Variants in CFTR observed in about 807,000 individuals in gnomAD.
CFTR encodes cystic fibrosis transmembrane conductance regulator.
In CFTR, 181 loss-of-function variants were observed where a neutral mutation model predicts 171.6. The observed-to-expected ratio is 1.05, with a 90% CI of 0.93 to 1.19. The LOEUF is 1.19. Among genes scored for constraint, CFTR ranks in the 50% most tolerant of loss-of-function variants. The pLI, the probability that CFTR is intolerant of heterozygous loss-of-function variation, is 0.00. For missense variants in CFTR, 1,968 were observed against 1,734.7 expected (o/e 1.13, Z -2.39); for synonymous variants, 583 against 608.0 (o/e 0.96, Z 0.60).
In CFTR at chr7:117,642,518, A is replaced by G; in HGVS notation, c.3798A>G (p.Glu1266=). The G allele has an allele frequency of 1.2e-6, 2 of 1,613,708 alleles. 1 individual carries two copies. The change falls in exon 23 of 27, where the codon GAA becomes GAG. Residue 1266 remains glutamate, a synonymous_variant. Transcript: ENST00000003084. ...TGAGACTACTGAACACTGAAGGAGAAATCCAGATCGATGGTGTGTCTTGGG... is the reference window on the plus strand; with the variant it reads ...TGAGACTACTGAACACTGAAGGAGAGATCCAGATCGATGGTGTGTCTTGGG... ...AFLRLLNTEG[E]IQIDGVSWDS...
intron 3 of CFTR, among the ~76,000 whole-genome samples, chr7:117,524,083 A>G (rs1453918441): frequency 6.6e-6 from 1 of 152,192 alleles, no homozygotes; most frequent in African/African-American, 2.4e-5. Flanking sequence ...GTCTTTCTGT[A>G]TTTATCGTAT....
intron 1 of CFTR, among the ~76,000 whole-genome samples, chr7:117,488,908 A>G (rs1049444101): frequency 1.3e-5 from 2 of 152,232 alleles, no homozygotes; most frequent in African/African-American, 4.8e-5. Flanking sequence ...AATAAGTTGT[A>G]ATATGGGAAC....
In CFTR at chr7:117,664,831, T is replaced by C. The variant is rs772750690; in HGVS notation, c.4107T>C (p.Leu1369=). ...TCAGTAAGGCGAAGATCTTGCTGCT[T>C]GATGAACCCAGTGCTCATTTGGATC... The part of the protein sequence containing the change: ...SVLSKAKILL[L]DEPSAHLDPV... Residue 1369 remains leucine (L), a synonymous_variant, in exon 25 of 27, where the codon CTT becomes CTC. Transcript: ENST00000003084. The C allele has an allele frequency of 2.5e-6, 4 of 1,613,908 alleles. No individual in the cohort carries two copies. In the Admixed American group the frequency reaches 5.0e-5, roughly 20 times the overall value.
chr7:117,504,877 A>T (rs952567597), intron 2 of CFTR, among the ~76,000 whole-genome samples: 1 of 152,158 alleles, frequency 6.6e-6, no homozygotes, highest in African/African-American at 2.4e-5. Context: ...TTTTCCTGAA[A>T]AATACACATT....
At chr7:117,511,978 A>T (rs1240827335) in intron 3 of CFTR, among the ~76,000 whole-genome samples, 1 of 151,946 alleles carries the variant, frequency 6.6e-6, no homozygotes, top group Non-Finnish European at 1.5e-5. Context: ...CTTTTCTTTC[A>T]CTGAGCAAGG....
rs77101217 is a variant in CFTR at position 117,559,548 on chromosome 7, C to T, written c.1477C>T (p.Gln493Ter). The change falls in exon 11 of 27, where the codon CAG (glutamine) becomes TAG (stop). Residue 493 changes from glutamine (Q) to a stop codon, truncating the protein, a stop_gained. Coordinates refer to ENST00000003084, the MANE Select transcript of CFTR (RefSeq NM_000492.4). LOFTEE classifies it high-confidence loss of function. ...KHSGRISFCS[Q>*]FSWIMPGTIK... is the part of the protein sequence containing the mutation. ...CAGTGGAAGAATTTCATTCTGTTCT[C>T]AGTTTTCCTGGATTATGCCTGGCAC... 5.9e-5 allele frequency: 95 copies of T among 1,611,422 alleles called. No individual in the cohort carries two copies. The highest frequency in any genetic ancestry group is 8.0e-5 in the Non-Finnish European group (94 of 1,177,876).
chr7:117,546,192 C>T (rs2115894637), intron 9 of CFTR, among the ~76,000 whole-genome samples: 1 of 152,120 alleles, frequency 6.6e-6, no homozygotes, highest in South Asian at 2.1e-4. Flanking sequence ...CGGGGTTTCA[C>T]CATCTTGGCC....
intron 3 of CFTR, 43 bp from the exon 4 acceptor site, chr7:117,530,856 G>T: frequency 7.6e-7 from 1 of 1,322,892 alleles, no homozygotes; most frequent in Non-Finnish European, 1.1e-6. Context: ...TATTTTATGA[G>T]AAATAAATGA....
intron 1 of CFTR, among the ~76,000 whole-genome samples, chr7:117,486,314 C>A (rs1263863489): frequency 6.6e-6 from 1 of 152,140 alleles, no homozygotes; most frequent in Non-Finnish European, 1.5e-5. Flanking sequence ...TGACCTCATT[C>A]ATATTCTGTA....
intron 22 of CFTR, among the ~76,000 whole-genome samples, chr7:117,632,971 C>T (rs912430635): frequency 1.3e-5 from 2 of 152,134 alleles, no homozygotes; most frequent in Admixed American, 1.3e-4. Context: ...TTTTTCTTCT[C>T]TTTTGATACA....
chr7:117,580,526 G>T (rs1397815332), intron 11 of CFTR, among the ~76,000 whole-genome samples: 1 of 151,894 alleles, frequency 6.6e-6, no homozygotes, highest in Non-Finnish European at 1.5e-5. Flanking sequence ...CATTCATGAG[G>T]GTATGTCTTA....
intron 10 of CFTR, among the ~76,000 whole-genome samples, chr7:117,549,386 A>T (rs1799230448): frequency 6.6e-6 from 1 of 152,170 alleles, no homozygotes; most frequent in Admixed American, 6.6e-5. Flanking sequence ...GAACAACTTA[A>T]CCTGGCATAT....
At chr7:117,634,233 G>A (rs1792792772) in intron 22 of CFTR, among the ~76,000 whole-genome samples, 2 of 151,932 alleles carry the variant, frequency 1.3e-5, no homozygotes, top group African/African-American at 2.4e-5. Context: ...CAAGGAATTG[G>A]TCTATTTCAT....
intron 21 of CFTR, among the ~76,000 whole-genome samples, chr7:117,615,337 T>C (rs1347828122): frequency 1.3e-5 from 2 of 152,132 alleles, no homozygotes; most frequent in East Asian, 1.9e-4. Flanking sequence ...GCTTGGCTTA[T>C]AGAGTCTTTT....
At chr7:117,557,236 T>C (rs1009593319) in intron 10 of CFTR, among the ~76,000 whole-genome samples, 1 of 152,136 alleles carries the variant, frequency 6.6e-6, no homozygotes, top group African/African-American at 2.4e-5. Flanking sequence ...AAACAAATTT[T>C]CTTTGTTTTC....
intron 23 of CFTR, among the ~76,000 whole-genome samples, chr7:117,648,037 C>T (rs566894086): frequency 1.4e-5 from 2 of 144,636 alleles, no homozygotes; most frequent in East Asian, 2.0e-4. Flanking sequence ...TATATATATA[C>T]ACACACACAT....
intron 2 of CFTR, 42 bp downstream of exon 2, chr7:117,504,405 A>G: frequency 2.1e-6 from 2 of 946,664 alleles, no homozygotes; most frequent in Non-Finnish European, 3.4e-6. Flanking sequence ...AGAAATTCAT[A>G]TTATTAATTA....
At chr7:117,605,068 C>T (rs1792281811) in intron 17 of CFTR, 1 of 152,188 alleles carries the variant, frequency 6.6e-6, no homozygotes, top group Non-Finnish European at 1.5e-5. Context: ...GCTACATAGC[C>T]AATGGGAAAT....
intron 11 of CFTR, among the ~76,000 whole-genome samples, chr7:117,580,039 C>G (rs1470982691): frequency 6.6e-6 from 1 of 151,424 alleles, no homozygotes; most frequent in African/African-American, 2.4e-5. Context: ...ACTTGAAATA[C>G]TAGAAGAAAA....
Sources: gnomAD v4.1 joint callset for allele counts (sites outside exome capture counted in the v4.1 genomes callset) on GRCh38, gnomAD v4.1.1 for gene constraint, MANE v1.5 for transcripts, NCBI Gene and HGNC (gene_info 2026-07-23, HGNC 2026-07-21) for gene names.